Variants in ANO3 observed in about 807,000 individuals in gnomAD.
ANO3 encodes anoctamin-3.
In ANO3, 99 loss-of-function variants were observed where a neutral mutation model predicts 144.8. The ratio of observed to expected loss-of-function variants is 0.68; its 90% confidence interval spans 0.58 to 0.81. The LOEUF (loss-of-function observed/expected upper bound fraction) is 0.81, where lower values mean the gene tolerates loss of function less well. Among genes scored for constraint, ANO3 ranks in the 30% least tolerant of loss-of-function variants. The probability of loss-of-function intolerance (pLI) is 0.00; values close to 1 mark genes in which losing one functional copy is unlikely to be tolerated. For synonymous variants in ANO3, 414 were observed against 392.6 expected (o/e 1.05, Z -0.64); for missense variants, 905 against 1,202.2 (o/e 0.75, Z 3.66).
At chr11:26,403,987 T>C (rs1857213721) in intron 1 of ANO3, among the ~76,000 whole-genome samples, 1 of 151,862 alleles carries the variant, frequency 6.6e-6, no homozygotes, top group African/African-American at 2.4e-5. Flanking sequence ...TTCAAAATTG[T>C]ACCATTCATT....
chr11:26,637,413 G>A (rs1852996591), intron 20 of ANO3, among the ~76,000 whole-genome samples: 1 of 152,114 alleles, frequency 6.6e-6, no homozygotes, highest in African/African-American at 2.4e-5. Flanking sequence ...AAGAGCAATG[G>A]ATTGGGGAAA....
chr11:26,397,183 T>TAGTTCTCAGTACTTA (rs141767413), intron 1 of ANO3, among the ~76,000 whole-genome samples: 40,249 of 151,724 alleles, frequency 0.27, 6,008 homozygotes, highest in African/African-American at 0.4. Flanking sequence ...GAGGACATTT[T>TAGTTCTCAGTACTTA]AGTACTCAGT....
intron 1 of ANO3, among the ~76,000 whole-genome samples, chr11:26,243,676 A>G (rs1250344646): frequency 1.3e-5 from 2 of 152,200 alleles, no homozygotes; most frequent in African/African-American, 4.8e-5. Context: ...CAATAACACC[A>G]CTTATCAGTG....
intron 1 of ANO3, among the ~76,000 whole-genome samples, chr11:26,337,559 C>G (rs1389968429): frequency 1.3e-5 from 2 of 151,978 alleles, no homozygotes; most frequent in African/African-American, 4.8e-5. Flanking sequence ...TTATATAAAC[C>G]AATTTATCAA....
chr11:26,333,486 A>C (rs567171690), intron 1 of ANO3, among the ~76,000 whole-genome samples: 1 of 151,918 alleles, frequency 6.6e-6, no homozygotes, highest in Admixed American at 6.6e-5. Context: ...GTTTCACCGT[A>C]TTAGCCAGGA....
chr11:26,233,268 C>T (rs1852443541), intron 1 of ANO3, among the ~76,000 whole-genome samples: 1 of 150,888 alleles, frequency 6.6e-6, no homozygotes, highest in South Asian at 2.1e-4. Flanking sequence ...ACAGCCCCAT[C>T]AAAAAGTGGG....
intron 1 of ANO3, among the ~76,000 whole-genome samples, chr11:26,225,115 T>C (rs953367053): frequency 6.6e-6 from 1 of 152,220 alleles, no homozygotes; most frequent in Non-Finnish European, 1.5e-5. Flanking sequence ...TTTTGTGTAT[T>C]GTAGGCACTG....
At chr11:26,429,647 A>G (rs534433230) in intron 1 of ANO3, among the ~76,000 whole-genome samples, 4 of 152,308 alleles carry the variant, frequency 2.6e-5, no homozygotes, top group Admixed American at 1.3e-4. Flanking sequence ...TCTGTGCTGT[A>G]TACAGGAGTC....
intron 5 of ANO3, 107 bp downstream of exon 5, chr11:26,508,369 T>C (rs1861518983): frequency 9.8e-7 from 1 of 1,021,306 alleles, no homozygotes; most frequent in Non-Finnish European, 1.4e-6. Context: ...ATAAAATACA[T>C]AGTTTTTTTC....
intron 4 of ANO3, among the ~76,000 whole-genome samples, chr11:26,464,469 A>T (rs1223420085): frequency 1.3e-5 from 2 of 151,898 alleles, no homozygotes; most frequent in East Asian, 3.9e-4. Context: ...CAATATGCTG[A>T]AATAATTAGA....
At chr11:26,510,603 T>G (rs964297848) in intron 5 of ANO3, among the ~76,000 whole-genome samples, 1 of 152,252 alleles carries the variant, frequency 6.6e-6, no homozygotes, top group Admixed American at 6.5e-5. Context: ...AACTATTTAT[T>G]CATTCAGCAC....
intron 1 of ANO3, among the ~76,000 whole-genome samples, chr11:26,326,454 C>T (rs1854884609): frequency 6.6e-6 from 1 of 152,070 alleles, no homozygotes; most frequent in South Asian, 2.1e-4. Context: ...CCAAAAGGAT[C>T]AATATTTTTT....
rs117345946 is a variant in ANO3, at chr11:26,228,662, G to A, written c.154+39332G>A. Among the ~76,000 whole-genome samples, 15 of 152,288 alleles carry A rather than the reference G, an allele frequency of 9.8e-5. No individual in the cohort carries two copies. The South Asian group carries it at 3.1e-3, about 32-fold the overall frequency. ...ACCACAGAAAGTTCTGAAACATAAT[G>A]GTCTGTCACTATCAGAGTTTTCTAT... On this transcript the variant is annotated intron_variant, in intron 1 of 27. Transcript: ENST00000672621.
chr11:26,543,461 C>CT (rs1554967572), intron 11 of ANO3, among the ~76,000 whole-genome samples: 7,755 of 84,672 alleles, frequency 0.092, 253 homozygotes, highest in Admixed American at 0.18. Context: ...CTTTTAATTT[C>CT]TTTTTTTTTA....
intron 1 of ANO3, among the ~76,000 whole-genome samples, chr11:26,233,311 G>C (rs1852444487): frequency 6.6e-6 from 1 of 151,622 alleles, no homozygotes; most frequent in South Asian, 2.1e-4. Flanking sequence ...CTCAGAATAA[G>C]ACATTTATGT....
intron 12 of ANO3, among the ~76,000 whole-genome samples, chr11:26,550,565 T>G (rs753471235): frequency 1.3e-5 from 2 of 152,058 alleles, no homozygotes; most frequent in Non-Finnish European, 2.9e-5. Flanking sequence ...CATAATTTCC[T>G]CTAGGTTTAT....
chr11:26,411,577 T>G (rs1421322024), intron 1 of ANO3, among the ~76,000 whole-genome samples: 22 of 151,908 alleles, frequency 1.4e-4, no homozygotes, highest in Admixed American at 1.4e-3. Flanking sequence ...TCAAAACACT[T>G]AGGAATATGC....
intron 14 of ANO3, among the ~76,000 whole-genome samples, chr11:26,581,832 A>G (rs868011567): frequency 6.6e-6 from 1 of 152,202 alleles, no homozygotes; most frequent in Non-Finnish European, 1.5e-5. Flanking sequence ...TGAAATATAA[A>G]TAATTGACAA....
intron 1 of ANO3, among the ~76,000 whole-genome samples, chr11:26,290,404 T>A (rs1231135486): frequency 1.3e-5 from 2 of 152,188 alleles, no homozygotes; most frequent in African/African-American, 4.8e-5. Flanking sequence ...TGTGTCTCTA[T>A]CTCCTTCAGT....
Sources: allele counts gnomAD v4.1 joint callset (sites outside exome capture counted in the v4.1 genomes callset), GRCh38; gene constraint gnomAD v4.1.1; transcripts MANE v1.5; gene names NCBI Gene and HGNC (gene_info 2026-07-23, HGNC 2026-07-21).